The following MALRD1 variants were observed in gnomAD, a reference collection of about 807,000 sequenced individuals.
The protein encoded by MALRD1 is MAM and LDL-receptor class A domain-containing protein 1.
MALRD1 carries 247 observed loss-of-function variants against 242.1 expected under a neutral mutation model. That is an observed-to-expected ratio of 1.02 (90% CI 0.92 to 1.13). The LOEUF (loss-of-function observed/expected upper bound fraction) is 1.13. Ranked by LOEUF, MALRD1 falls within the 50% of genes most tolerant of loss-of-function variation. The probability of loss-of-function intolerance (pLI) is 0.00; values close to 1 mark genes in which losing one functional copy is unlikely to be tolerated. For synonymous variants in MALRD1, 995 were observed against 866.6 expected (o/e 1.15, Z -2.60); for missense variants, 2,989 against 2,533.1 (o/e 1.18, Z -3.86).
chr10:19,691,811 G>A (rs1842832440), intron 36 of MALRD1, among the ~76,000 whole-genome samples: 1 of 152,038 alleles, frequency 6.6e-6, no homozygotes. Flanking sequence ...AACACTTGAA[G>A]GATTATCCCT....
At chr10:19,592,506 C>T (rs1452083086) in intron 33 of MALRD1, among the ~76,000 whole-genome samples, 1 of 152,152 alleles carries the variant, frequency 6.6e-6, no homozygotes, top group East Asian at 1.9e-4. Context: ...CTCCCAGGAG[C>T]TGGGGGAATG....
intron 34 of MALRD1, among the ~76,000 whole-genome samples, chr10:19,602,303 A>T (rs1175872681): frequency 3.4e-5 from 5 of 147,682 alleles, no homozygotes; most frequent in Non-Finnish European, 5.9e-5. Context: ...CCATTAACTC[A>T]TCATTTACAT....
chr10:19,566,162 T>A (rs966004801), intron 32 of MALRD1, among the ~76,000 whole-genome samples: 2 of 152,068 alleles, frequency 1.3e-5, no homozygotes, highest in African/African-American at 4.8e-5. Context: ...ACAGTCTCCC[T>A]CTGTTGCCCA....
At chr10:19,419,680 G>A (rs962183750) in intron 28 of MALRD1, among the ~76,000 whole-genome samples, 21 of 151,956 alleles carry the variant, frequency 1.4e-4, no homozygotes, top group African/African-American at 4.4e-4. Flanking sequence ...CAGTATTACC[G>A]CTTCTCTGAA....
chr10:19,622,333 CA>C (rs1554815663), intron 36 of MALRD1, among the ~76,000 whole-genome samples: 1 of 150,778 alleles, frequency 6.6e-6, no homozygotes, highest in Non-Finnish European at 1.5e-5. Flanking sequence ...CATACATAGA[CA>C]AAACTATTAA....
chr10:19,432,758 T>G (rs1189330262), intron 28 of MALRD1, among the ~76,000 whole-genome samples: 1 of 152,198 alleles, frequency 6.6e-6, no homozygotes, highest in Non-Finnish European at 1.5e-5. Context: ...AAAGTGATAT[T>G]TGAAGAGAAA....
intron 38 of MALRD1, among the ~76,000 whole-genome samples, chr10:19,724,219 T>C (rs967657978): frequency 6.6e-6 from 1 of 152,184 alleles, no homozygotes; most frequent in African/African-American, 2.4e-5. Flanking sequence ...TGAGCAGTTT[T>C]ACAGACACAC....
chr10:19,371,520 A>G (rs1438126311), intron 26 of MALRD1, among the ~76,000 whole-genome samples: 5 of 151,650 alleles, frequency 3.3e-5, no homozygotes, highest in Non-Finnish European at 5.9e-5. Context: ...TTTTACTTTT[A>G]TATCTAGCTG....
chr10:19,465,644 C>T (rs908314542), intron 29 of MALRD1, among the ~76,000 whole-genome samples: 1 of 152,140 alleles, frequency 6.6e-6, no homozygotes, highest in African/African-American at 2.4e-5. Context: ...AATCCTCCCA[C>T]CTCAGCCTCT....
intron 13 of MALRD1, 122 bp from the exon 14 acceptor site, chr10:19,175,086 T>C: frequency 1.5e-6 from 1 of 684,824 alleles, no homozygotes. Flanking sequence ...CAGAACAGTT[T>C]TCTAAAATTA....
intron 29 of MALRD1, among the ~76,000 whole-genome samples, chr10:19,453,758 C>T (rs1220691435): frequency 1.3e-5 from 2 of 152,030 alleles, no homozygotes; most frequent in African/African-American, 4.8e-5. Context: ...TGCTTGTAAT[C>T]CCAGCTACTC....
intron 14 of MALRD1, 103 bp downstream of exon 14, chr10:19,175,431 T>C: frequency 2.6e-6 from 2 of 763,616 alleles, no homozygotes; most frequent in Non-Finnish European, 1.7e-6. Context: ...TAATACAGGG[T>C]GTGGATTATA....
chr10:19,317,624 C>T (rs565400912), intron 21 of MALRD1, among the ~76,000 whole-genome samples: 5 of 152,040 alleles, frequency 3.3e-5, no homozygotes, highest in African/African-American at 1.2e-4. Flanking sequence ...TGTGTGTGTC[C>T]AGGCCCACAG....
chr10:19,150,484 T>C (rs1289482289), intron 11 of MALRD1, among the ~76,000 whole-genome samples: 1 of 152,174 alleles, frequency 6.6e-6, no homozygotes, highest in African/African-American at 2.4e-5. Context: ...TTATGAATTC[T>C]ACCCATGTGG....
chr10:19,299,252 C>G (rs926881783), intron 21 of MALRD1, among the ~76,000 whole-genome samples: 21 of 151,838 alleles, frequency 1.4e-4, no homozygotes, highest in African/African-American at 5.1e-4. Flanking sequence ...TAAGGGGGCG[C>G]TTCACATGAT....
At chr10:19,319,148 T>A (rs919695841) in intron 21 of MALRD1, among the ~76,000 whole-genome samples, 5 of 152,104 alleles carry the variant, frequency 3.3e-5, no homozygotes, top group African/African-American at 1.2e-4. Flanking sequence ...AATCCTTATT[T>A]TGAATGCAGT....
At chr10:19,137,868 G>A (rs1361924652) in intron 10 of MALRD1, among the ~76,000 whole-genome samples, 2 of 152,098 alleles carry the variant, frequency 1.3e-5, no homozygotes, top group African/African-American at 4.8e-5. Context: ...GAATTCCAAG[G>A]ATATGAATCC....
intron 18 of MALRD1, among the ~76,000 whole-genome samples, chr10:19,220,562 T>G (rs1357075961): frequency 1.3e-5 from 2 of 152,184 alleles, no homozygotes; most frequent in African/African-American, 4.8e-5. Context: ...TCGCAGAACA[T>G]TGATTTTTTA....
chr10:19,341,356 T>G (rs1164689250), intron 24 of MALRD1, among the ~76,000 whole-genome samples: 1 of 151,414 alleles, frequency 6.6e-6, no homozygotes, highest in African/African-American at 2.4e-5. Context: ...CATACACATG[T>G]CCTGTTGTGG....
Sources: gnomAD v4.1 joint callset for allele counts (sites outside exome capture counted in the v4.1 genomes callset) on GRCh38, gnomAD v4.1.1 for gene constraint, MANE v1.5 for transcripts, NCBI Gene and HGNC (gene_info 2026-07-23, HGNC 2026-07-21) for gene names.